PCDH15: variants seen among roughly 807,000 people sequenced by gnomAD.
PCDH15 encodes the protein protocadherin related 15, also known as protocadherin-15.
In PCDH15, 129 loss-of-function variants were observed where a neutral mutation model predicts 178.5. The observed-to-expected ratio is 0.72, with a 90% CI of 0.63 to 0.84. The LOEUF (loss-of-function observed/expected upper bound fraction) is 0.84. Among genes scored for constraint, PCDH15 ranks in the 40% least tolerant of loss-of-function variants. The pLI is 0.00. For missense variants in PCDH15, 2,230 were observed against 2,099.9 expected (o/e 1.06, Z -1.21); for synonymous variants, 800 against 732.0 (o/e 1.09, Z -1.50).
chr10:53,878,333 T>TAATATATTCTATATAC (rs10683837), intron 26 of PCDH15, among the ~76,000 whole-genome samples: 1 of 142,208 alleles, frequency 7.0e-6, no homozygotes. Flanking sequence ...ATAGTCTATA[T>TAATATATTCTATATAC]AGTCTATATA....
At chr10:55,009,758 C>T (rs932898853) in intron 2 of PCDH15, among the ~76,000 whole-genome samples, 1 of 152,056 alleles carries the variant, frequency 6.6e-6, no homozygotes, top group African/African-American at 2.4e-5. Context: ...AAGAGCGAAA[C>T]AGAATCCTTG....
chr10:55,467,287 T>C (rs187094401), intron 2 of PCDH15, among the ~76,000 whole-genome samples: 17 of 151,820 alleles, frequency 1.1e-4, no homozygotes, highest in Admixed American at 2.0e-4. Context: ...GGCAGCAAGA[T>C]TGGAGCAGAG....
In PCDH15 at chr10:54,885,906, G is replaced by A. The variant is rs534500084; in HGVS notation, c.-29+11544C>T. The stretch of plus-strand genomic sequence containing the variant: ...GGCTTGCAAGGATGCACCCAGTTAC[G>A]CTTTCCTTATTAAATTTTCAACAGT... On this transcript the variant is annotated intron_variant, in intron 3 of 5. Transcript: ENST00000458638. Among the ~76,000 whole-genome samples, 66 of 152,080 alleles carry A rather than the reference G, an allele frequency of 4.3e-4. No individual in the cohort carries two copies. In the South Asian group the frequency reaches 5.2e-3, roughly 12 times the overall value.
chr10:54,624,984 G>A (rs1374164405), intron 2 of PCDH15, among the ~76,000 whole-genome samples: 3 of 152,044 alleles, frequency 2.0e-5, no homozygotes, highest in South Asian at 2.1e-4. Context: ...CACAATACAC[G>A]TAATGCACTT....
intron 2 of PCDH15, among the ~76,000 whole-genome samples, chr10:55,033,840 T>C (rs1840671185): frequency 6.6e-6 from 1 of 152,302 alleles, no homozygotes; most frequent in African/African-American, 2.4e-5. Context: ...GTTGCCAATG[T>C]GATAGTATTA....
At chr10:55,108,256 AGAACTTCT>A (rs1837407218) in intron 2 of PCDH15, among the ~76,000 whole-genome samples, 1 of 152,216 alleles carries the variant, frequency 6.6e-6, no homozygotes, top group Non-Finnish European at 1.5e-5. Context: ...AAGGACTAAG[AGAACTTCT>A]GAATAAATTA....
rs577312125 is a variant in PCDH15, at chr10:54,553,828, C to T, written c.92-25951G>A. On this transcript the variant is annotated intron_variant, in intron 2 of 37. Coordinates refer to ENST00000644397, the MANE Select transcript of PCDH15 (RefSeq NM_001384140.1). ...CTGGGATTAAAAAAAAAATCATTAA[C>T]TTGGAGGCCTGAAAACACTATGCAA... Among the ~76,000 whole-genome samples, 61 of 152,238 alleles carry T rather than the reference C, an allele frequency of 4.0e-4. 1 individual carries two copies. Among genetic ancestry groups the T allele is most frequent in the Admixed American group, 1.4e-3 (21 of 15,280 alleles).
At chr10:55,195,772 A>C in intron 1 of PCDH15, among the ~76,000 whole-genome samples, 1 of 151,968 alleles carries the variant, frequency 6.6e-6, no homozygotes, top group East Asian at 1.9e-4. Context: ...TTGTGGAAAT[A>C]TTCATGAATG....
intron 3 of PCDH15, among the ~76,000 whole-genome samples, chr10:54,427,277 T>TTTC (rs1414362565): frequency 7.4e-6 from 1 of 135,072 alleles, no homozygotes; most frequent in South Asian, 2.7e-4. Context: ...TGGTTTTTTT[T>TTTC]TTTTTTTTTT....
chr10:55,076,584 A>G (rs1263806685), intron 2 of PCDH15, among the ~76,000 whole-genome samples: 1 of 151,692 alleles, frequency 6.6e-6, no homozygotes, highest in Non-Finnish European at 1.5e-5. Context: ...AGTTGGGACT[A>G]TAGGTGCACA....
At chr10:54,026,953 G>C (rs1454950407) in intron 18 of PCDH15, among the ~76,000 whole-genome samples, 38 of 149,572 alleles carry the variant, frequency 2.5e-4, no homozygotes, top group Admixed American at 2.5e-3. Flanking sequence ...AATTAGGCAG[G>C]AGAAGGAAAT....
intron 26 of PCDH15, among the ~76,000 whole-genome samples, chr10:53,882,511 G>A (rs2080799464): frequency 6.6e-6 from 1 of 152,094 alleles, no homozygotes; most frequent in African/African-American, 2.4e-5. Context: ...ACAGGCACGC[G>A]CCACCACGCA....
At chr10:54,111,097 CCTTT>C (rs1234343787) in intron 15 of PCDH15, among the ~76,000 whole-genome samples, 7 of 152,012 alleles carry the variant, frequency 4.6e-5, no homozygotes, top group African/African-American at 9.7e-5. Flanking sequence ...GGTTTTTGTT[CCTTT>C]CTATTTATCA....
chr10:54,541,230 C>T lies in PCDH15; in HGVS notation c.92-13353G>A, dbSNP rs544655963. ...CGAAACTAAAGAAGTCAAACTATCT[C>T]TTCTATAACCAGGAAACCTCGATGA... On this transcript the variant is annotated intron_variant, in intron 2 of 37. Transcript: ENST00000644397. Among the ~76,000 whole-genome samples the T allele has an allele frequency of 2.6e-5, 4 of 152,160 alleles. No homozygotes were observed. In the East Asian group the frequency reaches 7.7e-4, roughly 29 times the overall value.
At chr10:54,924,521 T>C (rs1837567459) in intron 2 of PCDH15, among the ~76,000 whole-genome samples, 1 of 91,994 alleles carries the variant, frequency 1.1e-5, no homozygotes, top group African/African-American at 3.1e-5. Flanking sequence ...AATAACCATA[T>C]TTTTTTCCAC....
At chr10:54,178,960 ACT>A (rs1478838449) in intron 13 of PCDH15, among the ~76,000 whole-genome samples, 1 of 152,132 alleles carries the variant, frequency 6.6e-6, no homozygotes, top group Non-Finnish European at 1.5e-5. Context: ...ACACTTTTAC[ACT>A]GTTGGTGGGA....
At chr10:55,233,514 CAT>C (rs1389218622) in intron 1 of PCDH15, among the ~76,000 whole-genome samples, 4 of 151,974 alleles carry the variant, frequency 2.6e-5, no homozygotes, top group East Asian at 3.9e-4. Flanking sequence ...TTTGCATAGA[CAT>C]GTGTCATAAG....
intron 15 of PCDH15, among the ~76,000 whole-genome samples, chr10:54,130,828 T>C (rs533479157): frequency 2.1e-4 from 32 of 152,322 alleles, no homozygotes; most frequent in Middle Eastern, 3.4e-3. Flanking sequence ...GTACCTCCAA[T>C]GCATCTTGTT....
At chr10:53,993,331 T>C (rs2134856125) in intron 21 of PCDH15, among the ~76,000 whole-genome samples, 1 of 152,318 alleles carries the variant, frequency 6.6e-6, no homozygotes, top group East Asian at 1.9e-4. Context: ...ATTCAACAAA[T>C]GTTTCCTGGC....
Sources: gnomAD v4.1 joint callset for allele counts (sites outside exome capture counted in the v4.1 genomes callset) on GRCh38, gnomAD v4.1.1 for gene constraint, MANE v1.5 for transcripts, NCBI Gene and HGNC (gene_info 2026-07-23, HGNC 2026-07-21) for gene names.